SH3GL2: variants seen among roughly 807,000 people sequenced by gnomAD.
SH3GL2 encodes the protein SH3 domain containing GRB2 like 2, endophilin A1.
Under a neutral mutation model 46.0 loss-of-function variants are expected in SH3GL2, and 24 were observed. The observed-to-expected ratio is 0.52, with a 90% confidence interval of 0.38 to 0.73. The LOEUF (loss-of-function observed/expected upper bound fraction) is 0.73, where lower values mean the gene tolerates loss of function less well. Ranked by LOEUF, SH3GL2 falls within the 30% of genes least tolerant of loss-of-function variation. The pLI, the probability that SH3GL2 is intolerant of heterozygous loss-of-function variation, is 0.00. For synonymous variants in SH3GL2, 196 were observed against 147.1 expected (o/e 1.33, Z -2.40); for missense variants, 413 against 424.2 (o/e 0.97, Z 0.23).
At chr9:17,688,499 A>G (rs377543065) in intron 1 of SH3GL2, among the ~76,000 whole-genome samples, 1 of 152,064 alleles carries the variant, frequency 6.6e-6, no homozygotes, top group East Asian at 1.9e-4. Flanking sequence ...AGAGATCGTG[A>G]GCACACCTAG....
intron 1 of SH3GL2, among the ~76,000 whole-genome samples, chr9:17,707,717 G>T (rs1008802443): frequency 1.3e-5 from 2 of 151,980 alleles, no homozygotes; most frequent in Non-Finnish European, 2.9e-5. Flanking sequence ...AGTTGATATT[G>T]ATACCAGACA....
At chr9:17,641,836 A>G (rs1234409437) in intron 1 of SH3GL2, among the ~76,000 whole-genome samples, 1 of 150,956 alleles carries the variant, frequency 6.6e-6, no homozygotes, top group Non-Finnish European at 1.5e-5. Context: ...TATCCAGTCT[A>G]TCACTGATGG....
At chr9:17,604,177 C>T (rs1029084238) in intron 1 of SH3GL2, among the ~76,000 whole-genome samples, 5 of 152,140 alleles carry the variant, frequency 3.3e-5, no homozygotes, top group Non-Finnish European at 7.3e-5. Context: ...TTTACCCCCT[C>T]CTGCGTGGGC....
At chr9:17,739,956 A>C (rs1403283126) in intron 1 of SH3GL2, among the ~76,000 whole-genome samples, 1 of 152,152 alleles carries the variant, frequency 6.6e-6, no homozygotes, top group East Asian at 1.9e-4. Flanking sequence ...AAGGAACAAA[A>C]TAGGCTGGAA....
chr9:17,662,140 ATGTC>A (rs1820233219), intron 1 of SH3GL2, among the ~76,000 whole-genome samples: 1 of 152,152 alleles, frequency 6.6e-6, no homozygotes, highest in African/African-American at 2.4e-5. Context: ...TGTTCTGTAA[ATGTC>A]AGTTAGATCC....
At chr9:17,625,947 G>A (rs1197233287) in intron 1 of SH3GL2, among the ~76,000 whole-genome samples, 1 of 152,142 alleles carries the variant, frequency 6.6e-6, no homozygotes, top group Non-Finnish European at 1.5e-5. Flanking sequence ...TGACAGCATC[G>A]GTCTCACTGA....
intron 1 of SH3GL2, among the ~76,000 whole-genome samples, chr9:17,651,056 T>A (rs1490748068): frequency 1.3e-5 from 2 of 152,158 alleles, no homozygotes; most frequent in Non-Finnish European, 2.9e-5. Context: ...ATAGAACACC[T>A]ATTTTGTTTC....
At chr9:17,764,026 G>T (rs1289914346) in intron 3 of SH3GL2, among the ~76,000 whole-genome samples, 1 of 152,182 alleles carries the variant, frequency 6.6e-6, no homozygotes, top group Non-Finnish European at 1.5e-5. Flanking sequence ...TGAATGTTTA[G>T]AAATGACATT....
chr9:17,734,133 G>A (rs139734628), intron 1 of SH3GL2, among the ~76,000 whole-genome samples: 297 of 152,150 alleles, frequency 2.0e-3, no homozygotes, highest in African/African-American at 6.5e-3. Flanking sequence ...ACAGGTGCCC[G>A]CAGGCACATT....
intron 1 of SH3GL2, among the ~76,000 whole-genome samples, chr9:17,639,328 G>C (rs1009811509): frequency 6.6e-6 from 1 of 152,174 alleles, no homozygotes; most frequent in Non-Finnish European, 1.5e-5. Flanking sequence ...TGTGTGCTTA[G>C]AATATGTGAA....
intron 1 of SH3GL2, among the ~76,000 whole-genome samples, chr9:17,724,822 G>A (rs1002161357): frequency 2.0e-5 from 3 of 152,078 alleles, no homozygotes; most frequent in Non-Finnish European, 4.4e-5. Flanking sequence ...TTGTTTCTTT[G>A]TGTTTATCTG....
chr9:17,711,222 G>GT (rs1275996074), intron 1 of SH3GL2, among the ~76,000 whole-genome samples: 7 of 151,798 alleles, frequency 4.6e-5, no homozygotes, highest in Non-Finnish European at 8.8e-5. Flanking sequence ...TACCATTAGT[G>GT]TTTTTTTATT....
intron 2 of SH3GL2, among the ~76,000 whole-genome samples, chr9:17,760,247 G>C (rs1823130503): frequency 6.6e-6 from 1 of 152,026 alleles, no homozygotes; most frequent in Non-Finnish European, 1.5e-5. Flanking sequence ...AACTTCACAA[G>C]AAAAAATTTG....
intron 1 of SH3GL2, among the ~76,000 whole-genome samples, chr9:17,659,603 C>G (rs181611533): frequency 6.6e-6 from 1 of 152,248 alleles, no homozygotes; most frequent in Admixed American, 6.5e-5. Flanking sequence ...CAGTGTTGTA[C>G]TTACACGCTC....
At chr9:17,681,814 G>A (rs887689568) in intron 1 of SH3GL2, among the ~76,000 whole-genome samples, 7 of 151,928 alleles carry the variant, frequency 4.6e-5, no homozygotes, top group Non-Finnish European at 1.0e-4. Flanking sequence ...ATCTGCCAAA[G>A]GTATAATATC....
chr9:17,690,447 A>C (rs769748102), intron 1 of SH3GL2, among the ~76,000 whole-genome samples: 1 of 151,994 alleles, frequency 6.6e-6, no homozygotes, highest in African/African-American at 2.4e-5. Flanking sequence ...CCCCCACATC[A>C]CATGTCCTCT....
At chr9:17,596,310 A>G (rs1258714243) in intron 1 of SH3GL2, among the ~76,000 whole-genome samples, 1 of 152,164 alleles carries the variant, frequency 6.6e-6, no homozygotes, top group Non-Finnish European at 1.5e-5. Flanking sequence ...GCAGCTGCTA[A>G]TGACTTTTGC....
chr9:17,734,449 G>T (rs767517502), intron 1 of SH3GL2, among the ~76,000 whole-genome samples: 1 of 152,054 alleles, frequency 6.6e-6, no homozygotes, highest in Non-Finnish European at 1.5e-5. Flanking sequence ...ACATAATTTC[G>T]TGTATAACTG....
intron 1 of SH3GL2, among the ~76,000 whole-genome samples, chr9:17,691,984 G>A (rs949910588): frequency 1.3e-5 from 2 of 152,046 alleles, no homozygotes; most frequent in Non-Finnish European, 2.9e-5. Context: ...AATTACAAAT[G>A]CAATCTATTT....
Sources: allele counts gnomAD v4.1 joint callset (sites outside exome capture counted in the v4.1 genomes callset), GRCh38; gene constraint gnomAD v4.1.1; transcripts MANE v1.5; gene names NCBI Gene and HGNC (gene_info 2026-07-23, HGNC 2026-07-21).